COA7: variants seen among roughly 807,000 people sequenced by gnomAD.
The protein encoded by COA7 is Sel1 repeat containing 1.
In COA7, 12 loss-of-function variants were observed where a neutral mutation model predicts 21.0. The ratio of observed to expected loss-of-function variants is 0.57; its 90% CI spans 0.37 to 0.92. The LOEUF (loss-of-function observed/expected upper bound fraction) is 0.92. Among genes scored for constraint, COA7 ranks in the 40% least tolerant of loss-of-function variants. The probability of loss-of-function intolerance (pLI) is 0.01; values close to 1 mark genes in which losing one functional copy is unlikely to be tolerated. For synonymous variants in COA7, 95 were observed against 107.4 expected (o/e 0.88, Z 0.72); for missense variants, 240 against 286.1 (o/e 0.84, Z 1.16).
intron 1 of COA7, among the ~76,000 whole-genome samples, chr1:52,694,714 T>C (rs964164258): frequency 2.0e-5 from 3 of 150,396 alleles, no homozygotes; most frequent in Middle Eastern, 3.5e-3. Context: ...GAAATGGGAG[T>C]GGGGCAGGGA....
intron 2 of COA7, among the ~76,000 whole-genome samples, chr1:52,689,072 C>T (rs1644025962): frequency 6.6e-6 from 1 of 152,084 alleles, no homozygotes; most frequent in African/African-American, 2.4e-5. Context: ...TCAAGATTGT[C>T]CAACCCATGG....
At chr1:52,693,069 C>T (rs1014088608) in intron 1 of COA7, among the ~76,000 whole-genome samples, 1 of 152,144 alleles carries the variant, frequency 6.6e-6, no homozygotes, top group Non-Finnish European at 1.5e-5. Context: ...ATTGTCTCCC[C>T]ACAGCCATGG....
chr1:52,689,453 C>G (rs1644028568), intron 2 of COA7, among the ~76,000 whole-genome samples: 1 of 151,794 alleles, frequency 6.6e-6, no homozygotes, highest in Non-Finnish European at 1.5e-5. Flanking sequence ...TTCACCTGGC[C>G]TATGAGATTT....
chr1:52,686,089 C>T lies in COA7; in HGVS notation c.*1631G>A, dbSNP rs2149902855. Reference sequence around the variant, plus strand: ...TCATGTTGGCCAGGCTGATCTCGAACTCCTGACCTCAAGTGATCCACCTGC... The same window carrying T: ...TCATGTTGGCCAGGCTGATCTCGAATTCCTGACCTCAAGTGATCCACCTGC... On this transcript the variant is annotated 3_prime_UTR_variant, in exon 3 of 3. Transcript: ENST00000371538. 6.6e-6 allele frequency: 1 copy of T among 152,172 alleles called. No individual in the cohort carries two copies. The highest frequency in any genetic ancestry group is 2.1e-4 in the South Asian group (1 of 4,820). The allele number at this position is 152,172 out of a possible 1,614,324, so 9.4% of individuals were successfully genotyped here. A position where few individuals can be genotyped will look rare whatever the true frequency, so the allele number is the denominator to read the frequency against.
Position 52,692,808 on chromosome 1 carries a change from TG to T in COA7, c.165del (p.Lys56ArgfsTer3), listed in dbSNP as rs1490386691. 6.2e-7 allele frequency: 1 copy of T among 1,614,132 alleles called. No homozygotes were observed. Among genetic ancestry groups the T allele is most frequent in the Non-Finnish European group, 8.5e-7 (1 of 1,180,016 alleles). On this transcript the variant is annotated frameshift_variant, in exon 2 of 3. Transcript: ENST00000371538. LOFTEE classifies it high-confidence loss of function. ...TCTTCACAGTTAAACTTCAACACCT[TG>T]GCAGCCTCATCAAAATTCTTCCGGA... ...EGIRKNFDEA[A>X]KVLKFNCEEN... is the part of the protein sequence containing the mutation.
In COA7 at chr1:52,687,638, C is replaced by T. The variant is rs1571716424; in HGVS notation, c.*82G>A. ...AAGTTTTTTTGCTCCAGCAGGTTGA[C>T]CTTCAAGGGCTGCATCAGTCTTCAG... is the stretch of plus-strand genomic sequence containing the variant. On this transcript the variant is annotated 3_prime_UTR_variant, in exon 3 of 3. Transcript: ENST00000371538. 7.1e-7 allele frequency: 1 copy of T among 1,402,300 alleles called. No individual in the cohort carries two copies. Among genetic ancestry groups the T allele is most frequent in the Admixed American group, 2.3e-5 (1 of 43,608 alleles). The allele number at this position is 1,402,300 out of a possible 1,614,324, so 86.9% of individuals were successfully genotyped here.
rs186285698 is a variant in COA7, at chr1:52,697,402, G to A, written c.106+819C>T. On this transcript the variant is annotated intron_variant, in intron 1 of 2. Coordinates refer to ENST00000371538, the MANE Select transcript of COA7 (RefSeq NM_023077.3). ...CACATTTGTGATTCAGGGCGTCTTC[G>A]CCAGCTGTTACCTATGGTAAGAACT... 1.1e-4 allele frequency among the ~76,000 whole-genome samples: 17 copies of A among 152,140 alleles called. No homozygotes were observed. The East Asian group carries it at 2.1e-3, about 19-fold the overall frequency.
At chr1:52,695,467 AAAAC>A (rs1644077850) in intron 1 of COA7, among the ~76,000 whole-genome samples, 1 of 152,110 alleles carries the variant, frequency 6.6e-6, no homozygotes, top group African/African-American at 2.4e-5. Context: ...CCTGTCTCAG[AAAAC>A]AAACAACCAA....
chr1:52,693,942 A>C (rs1644065845), intron 1 of COA7, among the ~76,000 whole-genome samples: 1 of 152,188 alleles, frequency 6.6e-6, no homozygotes, highest in Non-Finnish European at 1.5e-5. Flanking sequence ...ATTCTAGGGG[A>C]GGAAATACAA....
chr1:52,694,103 G>A (rs1644066840), intron 1 of COA7, among the ~76,000 whole-genome samples: 2 of 152,198 alleles, frequency 1.3e-5, no homozygotes, highest in South Asian at 4.1e-4. Context: ...AATAGACACT[G>A]GAGATTGGGA....
chr1:52,686,450 A>ATT lies in COA7; in HGVS notation c.*1268_*1269dup, dbSNP rs148162118. The stretch of plus-strand genomic sequence containing the variant: ...GCTGGGGAGACAACAGAAAAAGCAA[A>ATT]TTTTTTTTTTTTTTTGAGACGGAGT... On this transcript the variant is annotated 3_prime_UTR_variant, in exon 3 of 3. Transcript: ENST00000371538. The ATT allele has an allele frequency of 5.6e-4, 81 of 145,360 alleles. No homozygotes were observed. The highest frequency in any genetic ancestry group is 6.6e-4 in the South Asian group (3 of 4,580). The allele number at this position is 145,360 out of a possible 1,614,324, so 9.0% of individuals were successfully genotyped here.
At chr1:52,690,129 T>C (rs1485170697) in intron 2 of COA7, among the ~76,000 whole-genome samples, 1 of 151,316 alleles carries the variant, frequency 6.6e-6, no homozygotes, top group Non-Finnish European at 1.5e-5. Flanking sequence ...GACCAGATCA[T>C]GCAGGGTCAC....
At chr1:52,696,838 G>A (rs1030166596) in intron 1 of COA7, among the ~76,000 whole-genome samples, 1 of 150,390 alleles carries the variant, frequency 6.6e-6, no homozygotes, top group Non-Finnish European at 1.5e-5. Flanking sequence ...GGCTGGGCAC[G>A]GTGGCTCACA....
In COA7 at chr1:52,698,224, C is replaced by A; in HGVS notation, c.103G>T (p.Asp35Tyr). 1 of 1,609,358 alleles carries A rather than the reference C, an allele frequency of 6.2e-7. No individual in the cohort carries two copies. The highest frequency in any genetic ancestry group is 8.5e-7 in the Non-Finnish European group (1 of 1,177,544). Residue 35 changes from aspartate to tyrosine, a missense_variant, in exon 1 of 3, where the codon GAC becomes TAC. This residue lies in a region of COA7 where 71 missense variants were observed against 54.7 expected (regional missense o/e 1.30). Transcript: ENST00000371538. ...GGGCTGCGCTGGAGCCGCTCACCGT[C>A]CGGGTCCTTCTCGTGGTAGCAGTGG... Reference protein sequence around the residue: ...NYHCYHEKDPDGCYRLVDYLE... With the variant: ...NYHCYHEKDPYGCYRLVDYLE...
At chr1:52,690,242 T>G (rs907429902) in intron 2 of COA7, among the ~76,000 whole-genome samples, 1 of 152,040 alleles carries the variant, frequency 6.6e-6, no homozygotes, top group African/African-American at 2.4e-5. Context: ...TGTTTGTGTG[T>G]GTGCAAAACT....
At chr1:52,698,053 C>G in intron 1 of COA7, 168 bp downstream of exon 1, 1 of 591,410 alleles carries the variant, frequency 1.7e-6, no homozygotes, top group Non-Finnish European at 3.0e-6. Context: ...CTGGCTCGGT[C>G]TTCCCGGGAC....
intron 2 of COA7, among the ~76,000 whole-genome samples, chr1:52,691,251 C>T (rs1014958218): frequency 5.9e-5 from 9 of 151,776 alleles, no homozygotes; most frequent in African/African-American, 2.2e-4. Flanking sequence ...CCTGTCTCTA[C>T]AAAAAATAAA....
At chr1:52,693,442 A>G (rs1229320725) in intron 1 of COA7, among the ~76,000 whole-genome samples, 1 of 151,686 alleles carries the variant, frequency 6.6e-6, no homozygotes, top group Non-Finnish European at 1.5e-5. Flanking sequence ...CCAGGAGTGG[A>G]AAAATATAAA....
At position 52,698,329 on chromosome 1, in the gene COA7, T is replaced by C; in HGVS notation, c.-3A>G. 13 of 1,608,064 alleles carry C rather than the reference T, an allele frequency of 8.1e-6. No individual in the cohort carries two copies. The highest frequency in any genetic ancestry group is 1.1e-5 in the Non-Finnish European group (13 of 1,178,176). On this transcript the variant is annotated 5_prime_UTR_variant, in exon 1 of 3. Coordinates refer to ENST00000371538, the MANE Select transcript of COA7 (RefSeq NM_023077.3). ...TGGAAGTCCACCATGCCGGCCATGG[T>C]TCGCGCCGGCCCAAAGACGGTCACG...
Sources: gnomAD v4.1 joint callset for allele counts (sites outside exome capture counted in the v4.1 genomes callset) on GRCh38, gnomAD v4.1.1 for gene constraint, gnomAD v4.1.1 regional missense constraint, MANE v1.5 for transcripts, NCBI Gene and HGNC (gene_info 2026-07-23, HGNC 2026-07-21) for gene names.